The following MEGF10 variants were observed in gnomAD, a reference collection of about 807,000 sequenced individuals.
MEGF10 encodes multiple EGF like domains 10.
A neutral mutation model predicts 147.5 loss-of-function variants in MEGF10; 86 were observed. The ratio of observed to expected loss-of-function variants is 0.58; its 90% CI spans 0.49 to 0.70. The LOEUF is 0.70. Among genes scored for constraint, MEGF10 ranks in the 30% least tolerant of loss-of-function variants. The probability of loss-of-function intolerance (pLI) is 0.00; values close to 1 mark genes in which losing one functional copy is unlikely to be tolerated. For synonymous variants in MEGF10, 478 were observed against 525.5 expected, an observed-to-expected ratio of 0.91 and a Z score of 1.24; for missense variants, 1,329 against 1,487.3, an observed-to-expected ratio of 0.89 and a Z score of 1.75.
chr5:127,429,000 C>G (rs1765303543), intron 13 of MEGF10, among the ~76,000 whole-genome samples: 1 of 152,188 alleles, frequency 6.6e-6, no homozygotes, highest in African/African-American at 2.4e-5. Flanking sequence ...TCAAAGAGCT[C>G]TTTGTTCTCA....
At chr5:127,300,813 A>T (rs1315323840) in intron 1 of MEGF10, among the ~76,000 whole-genome samples, 2 of 152,176 alleles carry the variant, frequency 1.3e-5, no homozygotes, top group East Asian at 1.9e-4. Flanking sequence ...ATGCATTAGC[A>T]CCATCATAGG....
At position 127,420,190 on chromosome 5, in the gene MEGF10, T is replaced by C. The variant is rs1485550967; in HGVS notation, c.1573T>C (p.Cys525Arg). Reference protein sequence around the residue: ...TCAPGWRGEKCELPCQDGTYG... With the variant: ...TCAPGWRGEKRELPCQDGTYG... ...TGCACCTGGATGGCGCGGGGAGAAA[T>C]GCGAACTTCCCTGCCAGGTATGCAC... is the stretch of plus-strand genomic sequence containing the variant. Residue 525 changes from cysteine (C) to arginine (R), a missense_variant, in exon 12 of 25, where the codon TGC becomes CGC. This residue lies in a region of MEGF10 where 980 missense variants were observed against 1,085.9 expected (regional missense o/e 0.90). Transcript: ENST00000503335. The C allele has an allele frequency of 1.2e-6, 2 of 1,614,068 alleles. No individual in the cohort carries two copies. The highest frequency in any genetic ancestry group is 1.1e-5 in the South Asian group (1 of 91,060).
At chr5:127,369,859 T>C (rs375257034) in intron 4 of MEGF10, 51 bp from the exon 5 acceptor site, 4 of 1,466,762 alleles carry the variant, frequency 2.7e-6, no homozygotes, top group Admixed American at 3.7e-5. Flanking sequence ...TGTTGTTGGC[T>C]TTTTTTTCTT....
chr5:127,419,931 G>T lies in MEGF10; in HGVS notation c.1427-113G>T, dbSNP rs1301263805. ...AGAACCAGTGTTCTCTGCTGCTGTG[G>T]CTGGGGCTTGCATCTCCAAGGCGTT... On this transcript the variant is annotated intron_variant, in intron 11 of 24. Transcript: ENST00000503335. The T allele has an allele frequency of 3.3e-5, 41 of 1,243,562 alleles. No individual in the cohort carries two copies. In the East Asian group the frequency reaches 9.1e-4, roughly 28 times the overall value. 77.0% of individuals were successfully genotyped at this position (1,243,562 alleles called of 1,614,324 possible).
At chr5:127,278,990 C>A in the MEGF10 span, among the ~76,000 whole-genome samples, 3 of 152,228 alleles carry the variant, frequency 2.0e-5, no homozygotes, top group East Asian at 3.9e-4. Context: ...TTACTTTTCT[C>A]CAACACATTA....
intron 16 of MEGF10, among the ~76,000 whole-genome samples, chr5:127,436,647 C>T (rs564901301): frequency 1.8e-4 from 27 of 152,292 alleles, no homozygotes; most frequent in Admixed American, 3.9e-4. Context: ...GGAAATTTGT[C>T]CCTTCCTCAT....
At chr5:127,342,355 T>A (rs1416294045) in intron 4 of MEGF10, among the ~76,000 whole-genome samples, 23 of 152,054 alleles carry the variant, frequency 1.5e-4, no homozygotes. Context: ...ACCAAGAGAG[T>A]ACTTCTGTCT....
intron 1 of MEGF10, among the ~76,000 whole-genome samples, chr5:127,308,707 C>T (rs1198273609): frequency 6.8e-6 from 1 of 146,734 alleles, no homozygotes; most frequent in East Asian, 2.0e-4. Context: ...ACACCAGAGC[C>T]TGTTGTGGGG....
intron 1 of MEGF10, among the ~76,000 whole-genome samples, chr5:127,311,400 T>A (rs1463799480): frequency 6.6e-6 from 1 of 152,190 alleles, no homozygotes; most frequent in African/African-American, 2.4e-5. Flanking sequence ...GTTATGTAAG[T>A]TTTAGTCTTT....
At chr5:127,294,297 C>A (rs910254215) in intron 1 of MEGF10, among the ~76,000 whole-genome samples, 8 of 152,114 alleles carry the variant, frequency 5.3e-5, no homozygotes, top group Admixed American at 3.3e-4. Flanking sequence ...GTTCATCATT[C>A]CTTATTGTAA....
chr5:127,283,865 A>G, the MEGF10 span, among the ~76,000 whole-genome samples: 65 of 152,372 alleles, frequency 4.3e-4, no homozygotes, highest in Non-Finnish European at 6.3e-4. Context: ...TGAAAAATGT[A>G]CTTCTTACTG....
At chr5:127,246,937 A>ATAGTATATATTATACAATAACATATAC in the MEGF10 span, among the ~76,000 whole-genome samples, 2 of 1,616 alleles carry the variant, frequency 1.2e-3, no homozygotes, top group East Asian at 0.018. Flanking sequence ...ATAATATATG[A>ATAGTATATATTATACAATAACATATAC]TTATATTATA....
rs1766504046 is a variant in MEGF10, at chr5:127,459,961, C to T, written c.*2643C>T. On this transcript the variant is annotated 3_prime_UTR_variant, in exon 25 of 25. Transcript: ENST00000503335. ...TAAAGAGAAAACAAAAGAATCTTGG[C>T]AAAATTTTCCCTCTGAAATTACAAA... The T allele has an allele frequency of 1.3e-5, 2 of 152,140 alleles. No homozygotes were observed. The highest frequency in any genetic ancestry group is 4.1e-4 in the South Asian group (2 of 4,826). 9.4% of individuals were successfully genotyped at this position (152,140 alleles called of 1,614,324 possible).
Position 127,396,751 on chromosome 5 carries a change from G to C in MEGF10, c.632G>C (p.Arg211Pro), listed in dbSNP as rs377520032. 1 of 1,613,814 alleles carries C rather than the reference G, an allele frequency of 6.2e-7. No homozygotes were observed. ...ATCDHVTGEC[R>P]CPPGYTGAFC... ...TGCGACCACGTCACGGGGGAATGCCGCTGCCCACCAGGATACACCGGAGCC... is the reference window on the plus strand; with the variant it reads ...TGCGACCACGTCACGGGGGAATGCCCCTGCCCACCAGGATACACCGGAGCC... Residue 211 changes from arginine to proline, a missense_variant, in exon 6 of 25, where the codon CGC becomes CCC. Physicochemically the swap from Arg to Pro is moderately radical, Grantham distance 103 (BLOSUM62 -2). Transcript: ENST00000503335.
At chr5:127,249,250 A>G in the MEGF10 span, among the ~76,000 whole-genome samples, 22 of 152,134 alleles carry the variant, frequency 1.4e-4, no homozygotes, top group South Asian at 8.3e-4. Context: ...CTTATATTCT[A>G]TGTGAAGTGT....
intron 16 of MEGF10, among the ~76,000 whole-genome samples, chr5:127,436,511 T>G (rs1765557466): frequency 6.6e-6 from 1 of 152,194 alleles, no homozygotes; most frequent in Admixed American, 6.5e-5. Flanking sequence ...TCTGTTTAAA[T>G]CTACATGTGT....
At chr5:127,291,341 G>C (rs887975388) in intron 1 of MEGF10, among the ~76,000 whole-genome samples, 1 of 152,134 alleles carries the variant, frequency 6.6e-6, no homozygotes, top group Non-Finnish European at 1.5e-5. Context: ...CCCTTGTATT[G>C]CCTTACCTTG....
In MEGF10 at chr5:127,353,098, C is replaced by T. The variant is rs150119629; in HGVS notation, c.319+12468C>T. ...TTGTCTTCTCCTACTACCTACCTCT[C>T]CCATGAGCATTGTGGATAGAGGAAT... On this transcript the variant is annotated intron_variant, in intron 4 of 24. Coordinates refer to ENST00000503335, the MANE Select transcript of MEGF10 (RefSeq NM_001256545.2). Among the ~76,000 whole-genome samples, 290 of 152,320 alleles carry T rather than the reference C, an allele frequency of 1.9e-3. 1 individual carries two copies. The highest frequency in any genetic ancestry group is 6.8e-3 in the Middle Eastern group (2 of 294).
At chr5:127,445,420 A>C (rs191471006) in intron 19 of MEGF10, 37 bp from the exon 20 acceptor site, 30 of 1,518,682 alleles carry the variant, frequency 2.0e-5, no homozygotes, top group Admixed American at 3.3e-5. Context: ...TATCCAGCAC[A>C]TTGTCATCCT....
Sources: gnomAD v4.1 joint callset for allele counts (sites outside exome capture counted in the v4.1 genomes callset) on GRCh38, gnomAD v4.1.1 for gene constraint, gnomAD v4.1.1 regional missense constraint, MANE v1.5 for transcripts, NCBI Gene and HGNC (gene_info 2026-07-23, HGNC 2026-07-21) for gene names.